Variants in PIGK observed in about 807,000 individuals in gnomAD.
PIGK encodes phosphatidylinositol glycan anchor biosynthesis class K, also known as GPI-anchor transamidase.
In PIGK, 42 loss-of-function variants were observed where a neutral mutation model predicts 50.6. The ratio of observed to expected loss-of-function variants is 0.83; its 90% confidence interval spans 0.65 to 1.07. PIGK has a LOEUF of 1.07. PIGK is among the 50% of genes least tolerant of loss of function. The pLI, the probability that PIGK is intolerant of heterozygous loss-of-function variation, is 0.00. For missense variants in PIGK, 448 were observed against 488.7 expected (o/e 0.92, Z 0.78); for synonymous variants, 151 against 156.0 (o/e 0.97, Z 0.24).
chr1:77,159,058 G>A (rs1389451130), intron 8 of PIGK, among the ~76,000 whole-genome samples: 1 of 152,102 alleles, frequency 6.6e-6, no homozygotes, highest in East Asian at 1.9e-4. Flanking sequence ...TGAGGCCTGT[G>A]GATAAAATGA....
intron 9 of PIGK, among the ~76,000 whole-genome samples, chr1:77,145,465 A>G (rs1654748335): frequency 6.6e-6 from 1 of 152,094 alleles, no homozygotes; most frequent in East Asian, 1.9e-4. Context: ...TTTAAAAATA[A>G]CATACAAAAT....
intron 3 of PIGK, among the ~76,000 whole-genome samples, chr1:77,188,154 T>C (rs1261150191): frequency 6.6e-6 from 1 of 152,194 alleles, no homozygotes; most frequent in African/African-American, 2.4e-5. Flanking sequence ...ACAGCAATTG[T>C]TCAGGGAATA....
chr1:77,156,787 C>T (rs569627708), intron 8 of PIGK, among the ~76,000 whole-genome samples: 1 of 152,192 alleles, frequency 6.6e-6, no homozygotes, highest in African/African-American at 2.4e-5. Context: ...TTATCATGTC[C>T]TTTCATTCAT....
At chr1:77,114,724 C>G (rs1653924905) in intron 10 of PIGK, among the ~76,000 whole-genome samples, 1 of 152,128 alleles carries the variant, frequency 6.6e-6, no homozygotes, top group South Asian at 2.1e-4. Flanking sequence ...AATATGAAAG[C>G]TGAGGTTAAT....
At chr1:77,213,142 C>A (rs1656458154) in intron 1 of PIGK, among the ~76,000 whole-genome samples, 1 of 152,176 alleles carries the variant, frequency 6.6e-6, no homozygotes, top group Non-Finnish European at 1.5e-5. Context: ...CCAGGCTGGT[C>A]TCGAACTCCT....
intron 3 of PIGK, among the ~76,000 whole-genome samples, chr1:77,171,211 C>T (rs370271514): frequency 1.3e-5 from 2 of 151,604 alleles, no homozygotes; most frequent in East Asian, 1.9e-4. Flanking sequence ...CTGAGGCGGG[C>T]GGATCACGAG....
chr1:77,130,386 T>C (rs1022553899), intron 9 of PIGK, among the ~76,000 whole-genome samples: 32 of 151,894 alleles, frequency 2.1e-4, no homozygotes, highest in African/African-American at 7.7e-4. Flanking sequence ...TCCATTTGTA[T>C]TTTGTTTTTA....
At chr1:77,149,980 C>A (rs1654857623) in intron 9 of PIGK, among the ~76,000 whole-genome samples, 1 of 151,292 alleles carries the variant, frequency 6.6e-6, no homozygotes, top group Non-Finnish European at 1.5e-5. Context: ...AAATAACATT[C>A]TCCTGAATAA....
chr1:77,198,260 T>C (rs934953167), intron 3 of PIGK, among the ~76,000 whole-genome samples: 3 of 152,100 alleles, frequency 2.0e-5, no homozygotes, highest in African/African-American at 7.2e-5. Context: ...TAATATAATC[T>C]CAATACCCAA....
intron 10 of PIGK, among the ~76,000 whole-genome samples, chr1:77,098,606 T>C (rs1446767708): frequency 6.6e-6 from 1 of 152,098 alleles, no homozygotes; most frequent in Non-Finnish European, 1.5e-5. Context: ...CCTAAAGTGT[T>C]AGGATTACCA....
At chr1:77,163,980 A>T in intron 5 of PIGK, 38 bp from the exon 6 acceptor site, 1 of 1,125,312 alleles carries the variant, frequency 8.9e-7, no homozygotes, top group East Asian at 2.4e-5. Flanking sequence ...AGATTTTTTA[A>T]TGCAAACTGC....
intron 9 of PIGK, among the ~76,000 whole-genome samples, chr1:77,139,438 C>T (rs1654594531): frequency 6.6e-6 from 1 of 152,072 alleles, no homozygotes; most frequent in Admixed American, 6.6e-5. Context: ...AATTACAACC[C>T]TAAATCACAT....
At chr1:77,177,747 C>T (rs549697867) in intron 3 of PIGK, among the ~76,000 whole-genome samples, 2 of 152,266 alleles carry the variant, frequency 1.3e-5, no homozygotes, top group East Asian at 3.9e-4. Context: ...ACCCTTCTGT[C>T]TAGAACCCAA....
At chr1:77,180,818 T>C (rs554880453) in intron 3 of PIGK, among the ~76,000 whole-genome samples, 175 of 152,234 alleles carry the variant, frequency 1.1e-3, no homozygotes, top group Non-Finnish European at 2.0e-3. Flanking sequence ...TATAGATTTA[T>C]CTCAGCGAGC....
At chr1:77,166,135 T>A (rs577638419) in intron 5 of PIGK, among the ~76,000 whole-genome samples, 2 of 152,336 alleles carry the variant, frequency 1.3e-5, no homozygotes, top group South Asian at 4.1e-4. Flanking sequence ...TTACATATAT[T>A]ATTATGTGTA....
At chr1:77,143,819 T>A (rs1248365034) in intron 9 of PIGK, among the ~76,000 whole-genome samples, 4 of 152,066 alleles carry the variant, frequency 2.6e-5, no homozygotes, top group Non-Finnish European at 5.9e-5. Context: ...GCAGAATTGA[T>A]AACCAGCTAA....
At chr1:77,194,539 GA>G (rs1655986044) in intron 3 of PIGK, among the ~76,000 whole-genome samples, 1 of 149,218 alleles carries the variant, frequency 6.7e-6, no homozygotes. Context: ...TGCAGGAACA[GA>G]AAACCAAATG....
At chr1:77,164,623 T>C (rs1051495030) in intron 5 of PIGK, among the ~76,000 whole-genome samples, 3 of 152,070 alleles carry the variant, frequency 2.0e-5, no homozygotes, top group Admixed American at 6.6e-5. Flanking sequence ...TAGTTGACTA[T>C]GCCTTTGTGG....
At chr1:77,108,450 G>A (rs1036074500) in intron 10 of PIGK, among the ~76,000 whole-genome samples, 15 of 152,090 alleles carry the variant, frequency 9.9e-5, no homozygotes, top group Non-Finnish European at 1.5e-4. Context: ...AGTTTCTGCC[G>A]AGAGATCTGC....
Sources: gnomAD v4.1 joint callset for allele counts (sites outside exome capture counted in the v4.1 genomes callset) on GRCh38, gnomAD v4.1.1 for gene constraint, MANE v1.5 for transcripts, NCBI Gene and HGNC (gene_info 2026-07-23, HGNC 2026-07-21) for gene names.